Variants in TFEC observed in about 807,000 individuals in gnomAD.
TFEC encodes the protein transcription factor EC, also known as class E basic helix-loop-helix protein 34.
TFEC carries 31 observed loss-of-function variants against 41.6 expected under a neutral mutation model. The observed-to-expected ratio is 0.74, with a 90% CI of 0.56 to 1.01. The LOEUF (loss-of-function observed/expected upper bound fraction) is 1.01, where lower values mean the gene tolerates loss of function less well. TFEC is among the 50% of genes least tolerant of loss of function. The pLI is 0.00. For missense variants in TFEC, 402 were observed against 404.1 expected (o/e 0.99, Z 0.04); for synonymous variants, 143 against 140.6 (o/e 1.02, Z -0.12).
intron 1 of TFEC, among the ~76,000 whole-genome samples, chr7:116,127,437 T>C (rs182840727): frequency 1.1e-3 from 171 of 152,320 alleles, no homozygotes; most frequent in Non-Finnish European, 2.0e-3. Context: ...TTGATGAGAA[T>C]AATTTGTTTA....
At chr7:115,963,451 A>G (rs1792674564) in intron 3 of TFEC, among the ~76,000 whole-genome samples, 1 of 151,768 alleles carries the variant, frequency 6.6e-6, no homozygotes, top group Admixed American at 6.6e-5. Flanking sequence ...ATCCAAAAGA[A>G]TTGAAAGCAG....
Position 116,145,430 on chromosome 7 carries a change from A to G in TFEC, c.-69+14360T>C, listed in dbSNP as rs1798623092. Among the ~76,000 whole-genome samples the G allele has an allele frequency of 2.0e-5, 3 of 152,192 alleles. No homozygotes were observed. In the South Asian group the frequency reaches 6.2e-4, roughly 32 times the overall value. On this transcript the variant is annotated intron_variant, in intron 1 of 8. Transcript: ENST00000484212. The stretch of plus-strand genomic sequence containing the variant: ...AAAAATCACTGGGTCAGAAGGGGTC[A>G]GGCAGCACTCATCAACTCACAGCAC...
chr7:115,950,886 T>A lies in TFEC; in HGVS notation c.503A>T (p.Lys168Met), dbSNP rs752109764. The change falls in exon 6 of 8, where the codon AAG (lysine) becomes ATG (methionine). Residue 168 changes from lysine (K) to methionine (M), a missense_variant. Physicochemically the swap from Lys to Met is moderately conservative, Grantham distance 95. Coordinates refer to ENST00000265440, the MANE Select transcript of TFEC (RefSeq NM_012252.4). ...TTGTTGAACTCACGGATCATTAGAC[T>A]TTGGAATAAGAGTGCCAAGCTCCTT... ...RIKELGTLIP[K>M]SNDPDMRWNK... 2.6e-5 allele frequency: 41 copies of A among 1,604,202 alleles called. 1 individual carries two copies. The South Asian group carries it at 4.3e-4, about 17-fold the overall frequency.
chr7:115,999,965 T>C (rs1477570033), intron 1 of TFEC, among the ~76,000 whole-genome samples: 2 of 151,930 alleles, frequency 1.3e-5, no homozygotes, highest in Non-Finnish European at 2.9e-5. Flanking sequence ...CTAAACCCAT[T>C]CTACAAGGTC....
chr7:116,143,480 G>A (rs182685203), intron 1 of TFEC, among the ~76,000 whole-genome samples: 105 of 152,280 alleles, frequency 6.9e-4, no homozygotes, highest in South Asian at 2.1e-4. Context: ...AAAGCTGAAT[G>A]AAGTGCAACA....
intron 3 of TFEC, among the ~76,000 whole-genome samples, chr7:116,096,049 T>G (rs1797446724): frequency 1.3e-5 from 2 of 152,234 alleles, no homozygotes; most frequent in Admixed American, 6.5e-5. Context: ...AATCTTGAAC[T>G]TAATACGTCT....
At chr7:116,048,939 T>A (rs1796239768) in intron 3 of TFEC, among the ~76,000 whole-genome samples, 1 of 152,130 alleles carries the variant, frequency 6.6e-6, no homozygotes, top group South Asian at 2.1e-4. Flanking sequence ...GCTGAGAGAT[T>A]TTGTCACCAC....
chr7:116,109,305 A>G (rs1317726914), intron 3 of TFEC, among the ~76,000 whole-genome samples: 1 of 152,216 alleles, frequency 6.6e-6, no homozygotes, highest in Non-Finnish European at 1.5e-5. Flanking sequence ...AATGGGAGAA[A>G]AATTTTGCAA....
chr7:116,044,139 G>A (rs1430323256), intron 3 of TFEC, among the ~76,000 whole-genome samples: 1 of 152,188 alleles, frequency 6.6e-6, no homozygotes, highest in East Asian at 1.9e-4. Flanking sequence ...CTCAGAAGTT[G>A]TAAACTTGGG....
In TFEC at chr7:115,940,575, G is replaced by C; in HGVS notation, c.1020C>G (p.Ser340Arg). The part of the protein sequence containing the change: ...SKESSRRSSF[S>R]SDDGDEL ...CTTATAATTCATCACCATCATCTGAGCTAAAGCTACTTCTCCTACTGCTTT... is the reference window on the plus strand; with the variant it reads ...CTTATAATTCATCACCATCATCTGACCTAAAGCTACTTCTCCTACTGCTTT... The change falls in exon 8 of 8, where the codon AGC (serine) becomes AGG (arginine). Residue 340 changes from serine (S) to arginine (R), a missense_variant. Coordinates refer to ENST00000265440, the MANE Select transcript of TFEC (RefSeq NM_012252.4). The C allele has an allele frequency of 6.2e-7, 1 of 1,612,708 alleles. No individual in the cohort carries two copies. Among genetic ancestry groups the C allele is most frequent in the Non-Finnish European group, 8.5e-7 (1 of 1,179,264 alleles).
At chr7:116,080,957 G>T (rs1470705220) in intron 3 of TFEC, among the ~76,000 whole-genome samples, 1 of 149,546 alleles carries the variant, frequency 6.7e-6, no homozygotes, top group African/African-American at 2.5e-5. Flanking sequence ...ATCAATCAAC[G>T]AGTGGATAAA....
chr7:115,985,765 T>C (rs1793825285), intron 1 of TFEC, among the ~76,000 whole-genome samples: 1 of 152,154 alleles, frequency 6.6e-6, no homozygotes, highest in Non-Finnish European at 1.5e-5. Context: ...TTACTAATTA[T>C]ATTGCTATGA....
At chr7:115,956,351 T>A (rs1260749744) in intron 4 of TFEC, among the ~76,000 whole-genome samples, 4 of 149,792 alleles carry the variant, frequency 2.7e-5, no homozygotes, top group Non-Finnish European at 1.5e-5. Context: ...ATAAATGGCA[T>A]CTATTTAATA....
intron 3 of TFEC, among the ~76,000 whole-genome samples, chr7:116,037,144 G>A (rs1484160173): frequency 6.6e-6 from 1 of 151,986 alleles, no homozygotes; most frequent in Non-Finnish European, 1.5e-5. Context: ...TGCTTTTACA[G>A]AAGTCTCAAA....
At position 116,017,253 on chromosome 7, in the gene TFEC, G is replaced by A. The variant is rs139375946; in HGVS notation, c.-73+13380C>T. ...TGTTTGTTTATTTAGACAGAGTCTC[G>A]CTCTGTCACCCAGGCTGGAGTGCAG... On this transcript the variant is annotated intron_variant, in intron 1 of 7. Coordinates refer to ENST00000265440, the MANE Select transcript of TFEC (RefSeq NM_012252.4). Among the ~76,000 whole-genome samples the A allele has an allele frequency of 1.1e-3, 174 of 152,056 alleles. 1 individual carries two copies. The highest frequency in any genetic ancestry group is 3.8e-3 in the African/African-American group (159 of 41,456).
At chr7:116,123,722 A>G (rs751626852) in intron 1 of TFEC, among the ~76,000 whole-genome samples, 1 of 152,090 alleles carries the variant, frequency 6.6e-6, no homozygotes, top group Non-Finnish European at 1.5e-5. Flanking sequence ...TCAAACTCAA[A>G]TTCCACCTTT....
intron 3 of TFEC, among the ~76,000 whole-genome samples, chr7:116,086,213 T>C (rs1369652003): frequency 6.6e-6 from 1 of 151,882 alleles, no homozygotes; most frequent in Non-Finnish European, 1.5e-5. Flanking sequence ...AGGGGCACTT[T>C]AGATTGATGC....
intron 3 of TFEC, among the ~76,000 whole-genome samples, chr7:116,095,162 G>T (rs1425058782): frequency 6.6e-6 from 1 of 152,094 alleles, no homozygotes; most frequent in African/African-American, 2.4e-5. Flanking sequence ...TTCATGGTTT[G>T]ACCTTTTCAG....
intron 1 of TFEC, among the ~76,000 whole-genome samples, chr7:116,141,089 A>G (rs900676087): frequency 6.6e-6 from 1 of 152,212 alleles, no homozygotes; most frequent in African/African-American, 2.4e-5. Flanking sequence ...ATGCATACCT[A>G]TTAAAATTTA....
Sources: allele counts gnomAD v4.1 joint callset (sites outside exome capture counted in the v4.1 genomes callset), GRCh38; gene constraint gnomAD v4.1.1; transcripts MANE v1.5; gene names NCBI Gene and HGNC (gene_info 2026-07-23, HGNC 2026-07-21).